Variants in IQCM observed in about 807,000 individuals in gnomAD.
The protein encoded by IQCM is IQ domain-containing protein M.
Under a neutral mutation model 57.6 loss-of-function variants are expected in IQCM, and 45 were observed. The observed-to-expected ratio is 0.78, with a 90% CI of 0.62 to 1.00. The LOEUF (loss-of-function observed/expected upper bound fraction) is 1.00, where lower values mean the gene tolerates loss of function less well. IQCM is among the 50% of genes least tolerant of loss of function. The pLI is 0.00. For missense variants in IQCM, 468 were observed against 511.6 expected (o/e 0.91, Z 0.82); for synonymous variants, 148 against 158.9 (o/e 0.93, Z 0.51).
At chr4:149,595,840 C>A (rs942702913) in intron 8 of IQCM, among the ~76,000 whole-genome samples, 3 of 152,102 alleles carry the variant, frequency 2.0e-5, no homozygotes, top group Non-Finnish European at 4.4e-5. Context: ...GGAGCCAGAC[C>A]AGCCTCCACT....
At chr4:149,493,243 T>G (rs1325350790) in intron 12 of IQCM, among the ~76,000 whole-genome samples, 1 of 152,126 alleles carries the variant, frequency 6.6e-6, no homozygotes, top group African/African-American at 2.4e-5. Context: ...TAATTTTCTT[T>G]TTTTTCCCTC....
At chr4:149,768,608 A>G (rs1424188137) in intron 2 of IQCM, among the ~76,000 whole-genome samples, 1 of 152,122 alleles carries the variant, frequency 6.6e-6, no homozygotes, top group East Asian at 1.9e-4. Flanking sequence ...TGCTGCCAAG[A>G]GTTCCAGCAT....
intron 7 of IQCM, among the ~76,000 whole-genome samples, chr4:149,675,948 G>C (rs1338602428): frequency 6.6e-6 from 1 of 152,012 alleles, no homozygotes; most frequent in Non-Finnish European, 1.5e-5. Flanking sequence ...GCTTTGAAGA[G>C]GTTTGCGCCA....
At chr4:149,447,011 C>T (rs1736586255) in intron 12 of IQCM, among the ~76,000 whole-genome samples, 2 of 151,244 alleles carry the variant, frequency 1.3e-5, no homozygotes, top group Admixed American at 1.3e-4. Flanking sequence ...GCAAAGTGGC[C>T]CTTCCTTTCC....
intron 2 of IQCM, among the ~76,000 whole-genome samples, chr4:149,753,543 GAGAA>G (rs1368588002): frequency 1.3e-5 from 2 of 151,920 alleles, no homozygotes; most frequent in Non-Finnish European, 2.9e-5. Flanking sequence ...AAATGAGATA[GAGAA>G]AGAAAGATGA....
intron 5 of IQCM, among the ~76,000 whole-genome samples, chr4:149,728,574 TGTGGGGA>T (rs1766173043): frequency 6.6e-6 from 1 of 152,214 alleles, no homozygotes; most frequent in African/African-American, 2.4e-5. Context: ...TACTTGAAAA[TGTGGGGA>T]GCCACATTGG....
intron 13 of IQCM, among the ~76,000 whole-genome samples, chr4:149,384,862 G>T (rs1160894803): frequency 6.6e-6 from 1 of 151,426 alleles, no homozygotes; most frequent in Non-Finnish European, 1.5e-5. Context: ...TTTGCCACTT[G>T]GTTAAATAGA....
intron 9 of IQCM, among the ~76,000 whole-genome samples, chr4:149,580,421 T>G (rs1369461275): frequency 6.6e-6 from 1 of 151,844 alleles, no homozygotes; most frequent in Non-Finnish European, 1.5e-5. Flanking sequence ...AACGAAGCAG[T>G]GGTGCCAAGA....
intron 7 of IQCM, among the ~76,000 whole-genome samples, chr4:149,639,693 G>A (rs1758022364): frequency 6.6e-6 from 1 of 152,054 alleles, no homozygotes; most frequent in African/African-American, 2.4e-5. Flanking sequence ...GGCTGAGGTG[G>A]GTAGAACACT....
intron 5 of IQCM, among the ~76,000 whole-genome samples, chr4:149,714,414 G>C (rs1368784478): frequency 6.6e-6 from 1 of 152,084 alleles, no homozygotes; most frequent in East Asian, 1.9e-4. Context: ...AGGTATCTCA[G>C]GTTGATAACT....
At chr4:149,469,642 G>A (rs1414680215) in intron 12 of IQCM, among the ~76,000 whole-genome samples, 3 of 152,076 alleles carry the variant, frequency 2.0e-5, no homozygotes, top group East Asian at 1.9e-4. Flanking sequence ...GATATTCCTC[G>A]AGAAGAGCAA....
At chr4:149,692,343 T>G (rs1192916265) in intron 5 of IQCM, among the ~76,000 whole-genome samples, 1 of 152,212 alleles carries the variant, frequency 6.6e-6, no homozygotes, top group Admixed American at 6.5e-5. Context: ...TACACCAAAC[T>G]AAGACCATCA....
chr4:149,411,933 GAT>G (rs1363188532), intron 13 of IQCM, among the ~76,000 whole-genome samples: 1 of 152,194 alleles, frequency 6.6e-6, no homozygotes, highest in Non-Finnish European at 1.5e-5. Context: ...TCTCAGCTAA[GAT>G]ATGTGGGTTT....
chr4:149,451,588 G>GAA (rs957171251), intron 12 of IQCM, among the ~76,000 whole-genome samples: 2 of 151,404 alleles, frequency 1.3e-5, no homozygotes, highest in African/African-American at 4.8e-5. Context: ...AAGACTTTAG[G>GAA]AAAAAAAGAG....
At position 149,777,935 on chromosome 4, in the gene IQCM, A is replaced by C. The variant is rs113460017; in HGVS notation, c.-48-35196T>G. On this transcript the variant is annotated intron_variant, in intron 2 of 13. Coordinates refer to ENST00000636793, the MANE Select transcript of IQCM (RefSeq NM_001363507.2). Reference sequence around the variant, plus strand: ...GATGCAGACCAAAAACAAAACAAAAAAAAAGGCCCAAACCAAACCAAAGCC... The same window carrying C: ...GATGCAGACCAAAAACAAAACAAAACAAAAGGCCCAAACCAAACCAAAGCC... Among the ~76,000 whole-genome samples, 862 of 152,284 alleles carry C rather than the reference A, an allele frequency of 5.7e-3. 9 individuals are homozygous for C. The highest frequency in any genetic ancestry group is 0.019 in the African/African-American group (793 of 41,564).
At chr4:149,577,482 T>C (rs1442472314) in intron 9 of IQCM, among the ~76,000 whole-genome samples, 1 of 152,054 alleles carries the variant, frequency 6.6e-6, no homozygotes, top group African/African-American at 2.4e-5. Context: ...ATTTAATGAA[T>C]AGGGAATCCT....
chr4:149,623,723 G>A (rs998178516), intron 7 of IQCM, among the ~76,000 whole-genome samples: 3 of 147,626 alleles, frequency 2.0e-5, no homozygotes, highest in African/African-American at 5.2e-5. Flanking sequence ...TCCCAGGTGT[G>A]TGTGTGTGTG....
At chr4:149,808,247 T>C (rs1016378092) in intron 2 of IQCM, among the ~76,000 whole-genome samples, 51 of 152,208 alleles carry the variant, frequency 3.4e-4, no homozygotes, top group Admixed American at 1.1e-3. Flanking sequence ...AATAATGAAA[T>C]CCTGTCATTT....
chr4:149,740,553 A>T (rs1318351060), intron 3 of IQCM, among the ~76,000 whole-genome samples: 1 of 152,156 alleles, frequency 6.6e-6, no homozygotes, highest in East Asian at 1.9e-4. Flanking sequence ...TTTACACTGT[A>T]TTATTGAAAA....
Sources: gnomAD v4.1 joint callset for allele counts (sites outside exome capture counted in the v4.1 genomes callset) on GRCh38, gnomAD v4.1.1 for gene constraint, MANE v1.5 for transcripts, NCBI Gene and HGNC (gene_info 2026-07-23, HGNC 2026-07-21) for gene names.